PRPF6: variants seen among roughly 807,000 people sequenced by gnomAD.
PRPF6 encodes pre-mRNA processing factor 6, also known as pre-mRNA-processing factor 6.
PRPF6 carries 42 observed loss-of-function variants against 118.3 expected under a neutral mutation model. The observed-to-expected ratio is 0.35, with a 90% confidence interval of 0.28 to 0.46. The LOEUF (loss-of-function observed/expected upper bound fraction) is 0.46, where lower values mean the gene tolerates loss of function less well. Ranked by LOEUF, PRPF6 falls within the 20% of genes least tolerant of loss-of-function variation. PRPF6 has a pLI of 1.00. For missense variants in PRPF6, 662 were observed against 1,255.7 expected, an observed-to-expected ratio of 0.53 and a Z score of 7.15; for synonymous variants, 481 against 485.1, an observed-to-expected ratio of 0.99 and a Z score of 0.11.
intron 9 of PRPF6, among the ~76,000 whole-genome samples, chr20:64,009,611 T>C (rs2059206435): frequency 6.6e-6 from 1 of 152,190 alleles, no homozygotes; most frequent in Admixed American, 6.5e-5. Flanking sequence ...TAGTCCCAGC[T>C]ACCTTAGAGG....
chr20:64,018,573 GA>G (rs1350336216), intron 12 of PRPF6, among the ~76,000 whole-genome samples: 1 of 152,058 alleles, frequency 6.6e-6, no homozygotes, highest in Non-Finnish European at 1.5e-5. Flanking sequence ...TTCTTGGCCT[GA>G]ATCAGTTATT....
rs779071931 is a variant in PRPF6, at chr20:64,028,473, C to T, written c.2340-5C>T. ...TGTGGGACCTCCGGGGGCCTGTCTC[C>T]TCAGGTTGGAGTCCGTGCGGCTGGA... On this transcript the variant is annotated splice_polypyrimidine_tract_variant and splice_region_variant and intron_variant, in intron 17 of 20. Transcript: ENST00000266079. This position sits in a 1 kb window ranked among gnomAD's most constrained non-coding sequence, Gnocchi z 6.5. The T allele has an allele frequency of 1.2e-6, 2 of 1,613,900 alleles. No individual in the cohort carries two copies. The highest frequency in any genetic ancestry group is 1.7e-6 in the Non-Finnish European group (2 of 1,180,006).
In PRPF6 at chr20:63,985,043, C is replaced by G; in HGVS notation, c.359+18C>G. On this transcript the variant is annotated intron_variant, in intron 3 of 20. Coordinates refer to ENST00000266079, the MANE Select transcript of PRPF6 (RefSeq NM_012469.4). ...GAAAGACGGTAAAAGAAATTGTTGC[C>G]TTTCACAATATTTATCCAAGTTTAA... 6.2e-7 allele frequency: 1 copy of G among 1,600,082 alleles called. No homozygotes were observed. The highest frequency in any genetic ancestry group is 8.6e-7 in the Non-Finnish European group (1 of 1,169,242).
chr20:64,016,951 T>G, intron 12 of PRPF6, 106 bp downstream of exon 12: 1 of 1,510,210 alleles, frequency 6.6e-7, no homozygotes, highest in Non-Finnish European at 9.0e-7. Flanking sequence ...TTTTTTTTTT[T>G]TTTAAATCTG....
At chr20:64,020,618 A>G (rs1339072180) in intron 12 of PRPF6, among the ~76,000 whole-genome samples, 1 of 152,190 alleles carries the variant, frequency 6.6e-6, no homozygotes, top group Non-Finnish European at 1.5e-5. Flanking sequence ...GCTAACCAAA[A>G]GATAAAGTCA....
In PRPF6 at chr20:64,028,997, G is replaced by A. The variant is rs545409233; in HGVS notation, c.2432-380G>A. On this transcript the variant is annotated intron_variant, in intron 18 of 20. Coordinates refer to ENST00000266079, the MANE Select transcript of PRPF6 (RefSeq NM_012469.4). This position sits in a 1 kb window ranked among gnomAD's most constrained non-coding sequence, Gnocchi z 6.5. ...AGCCTGGCCAACATGGTGAAACCCC[G>A]TCTCTACTAAAATACAAAAATGAGC... Among the ~76,000 whole-genome samples the A allele has an allele frequency of 3.9e-4, 60 of 152,144 alleles. No individual in the cohort carries two copies. The highest frequency in any genetic ancestry group is 1.2e-3 in the African/African-American group (48 of 41,510).
At chr20:63,983,594 G>A (rs537213703) in intron 2 of PRPF6, among the ~76,000 whole-genome samples, 8 of 149,296 alleles carry the variant, frequency 5.4e-5, no homozygotes, top group South Asian at 2.1e-4. Context: ...CGCTCTTGTC[G>A]GAAGAGATGT....
intron 6 of PRPF6, among the ~76,000 whole-genome samples, chr20:63,998,730 C>T (rs73626413): frequency 2.7e-5 from 4 of 145,708 alleles, no homozygotes; most frequent in Non-Finnish European, 6.0e-5. Context: ...TAGTCCCAGC[C>T]ACTCGGGAGG....
At chr20:64,020,973 G>GAC (rs2059259924) in intron 12 of PRPF6, among the ~76,000 whole-genome samples, 1 of 152,170 alleles carries the variant, frequency 6.6e-6, no homozygotes, top group Admixed American at 6.5e-5. Context: ...TTTTAGTAGA[G>GAC]ACAGGGTTTT....
At chr20:64,015,986 A>C (rs2059235703) in intron 11 of PRPF6, among the ~76,000 whole-genome samples, 1 of 152,156 alleles carries the variant, frequency 6.6e-6, no homozygotes, top group Admixed American at 6.5e-5. Context: ...ACCATTGAGC[A>C]TGGTGGTGCA....
intron 9 of PRPF6, 79 bp downstream of exon 9, chr20:64,001,318 CT>C: frequency 6.5e-7 from 1 of 1,534,340 alleles, no homozygotes; most frequent in Non-Finnish European, 9.0e-7. Flanking sequence ...CTGGCTCAGG[CT>C]TTTGGTGAGA....
intron 6 of PRPF6, among the ~76,000 whole-genome samples, chr20:63,997,132 G>A (rs978079580): frequency 1.3e-5 from 2 of 151,740 alleles, no homozygotes; most frequent in African/African-American, 4.8e-5. Context: ...TTGAGTCCCC[G>A]TGCGCTTTCT....
At chr20:64,024,789 C>T in intron 14 of PRPF6, 96 bp downstream of exon 14, 1 of 1,495,470 alleles carries the variant, frequency 6.7e-7, no homozygotes, top group Non-Finnish European at 9.0e-7. Flanking sequence ...TACAATGTGG[C>T]ACGTGCTGTT....
chr20:64,000,940 A>T, intron 8 of PRPF6, 137 bp from the exon 9 acceptor site: 1 of 827,500 alleles, frequency 1.2e-6, no homozygotes, highest in Non-Finnish European at 2.0e-6. Context: ...CTCCTGGTGC[A>T]GGTGTGTTAG....
intron 6 of PRPF6, 62 bp from the exon 7 acceptor site, chr20:63,998,983 C>A: frequency 7.8e-7 from 1 of 1,275,064 alleles, no homozygotes; most frequent in South Asian, 1.2e-5. Flanking sequence ...CAGGGACCCT[C>A]TGAGAACTTT....
In PRPF6 at chr20:64,029,035, C is replaced by T. The variant is rs527671768; in HGVS notation, c.2432-342C>T. Among the ~76,000 whole-genome samples the T allele has an allele frequency of 2.0e-5, 3 of 152,170 alleles. No individual in the cohort carries two copies. The highest frequency in any genetic ancestry group is 2.4e-5 in the African/African-American group (1 of 41,506). ...TACAAAAATGAGCTGGGCATGGTGG[C>T]GGGCGCCTGTAATCCCAGCTACTCG... is the stretch of plus-strand genomic sequence containing the variant. On this transcript the variant is annotated intron_variant, in intron 18 of 20. Coordinates refer to ENST00000266079, the MANE Select transcript of PRPF6 (RefSeq NM_012469.4). This position sits in a 1 kb window ranked among gnomAD's most constrained non-coding sequence, Gnocchi z 4.8.
At position 63,981,647 on chromosome 20, in the gene PRPF6, C is replaced by CG. The variant is rs1168641472; in HGVS notation, c.71+331_71+332insG. ...TTCCTCAGGTCGGGCTGACACTCCCCCCCCCCGCCCGCCCGCCCGCCCCGC... is the reference window on the plus strand; with the variant it reads ...TTCCTCAGGTCGGGCTGACACTCCCCGCCCCCCGCCCGCCCGCCCGCCCCGC... On this transcript the variant is annotated intron_variant, in intron 1 of 20. Coordinates refer to ENST00000266079, the MANE Select transcript of PRPF6 (RefSeq NM_012469.4). Among the ~76,000 whole-genome samples, 111 of 140,148 alleles carry CG rather than the reference C, an allele frequency of 7.9e-4. 2 individuals carry two copies. Among genetic ancestry groups the CG allele is most frequent in the Admixed American group, 4.2e-3 (60 of 14,232 alleles). 91.9% of individuals were successfully genotyped at this position (140,148 alleles called of 152,430 possible). A position where few individuals can be genotyped will look rare whatever the true frequency, so the allele number is the denominator to read the frequency against.
At chr20:63,984,499 G>A (rs2059085079) in intron 2 of PRPF6, among the ~76,000 whole-genome samples, 1 of 151,972 alleles carries the variant, frequency 6.6e-6, no homozygotes, top group Non-Finnish European at 1.5e-5. Context: ...CCAAAAAAAA[G>A]TTTCTGCATG....
chr20:63,983,168 G>A lies in PRPF6; in HGVS notation c.193G>A (p.Ala65Thr), dbSNP rs771734100. Reference protein sequence around the residue: ...TVGDQMKKNQAADDDDEDLND... With the variant: ...TVGDQMKKNQTADDDDEDLND... ...TGGGGACCAGATGAAGAAAAATCAG[G>A]CTGCTGACGATGACGACGAGGATCT... The change falls in exon 2 of 21, where the codon GCT becomes ACT. Residue 65 changes from alanine (A) to threonine (T), a missense_variant. Ala to Thr is a moderately conservative substitution (Grantham distance 58). Coordinates refer to ENST00000266079, the MANE Select transcript of PRPF6 (RefSeq NM_012469.4). 1.4e-5 allele frequency: 23 copies of A among 1,614,090 alleles called. No homozygotes were observed. The highest frequency in any genetic ancestry group is 1.9e-5 in the Non-Finnish European group (23 of 1,180,050).
Sources: gnomAD v4.1 joint callset for allele counts (sites outside exome capture counted in the v4.1 genomes callset) on GRCh38, gnomAD v4.1.1 for gene constraint, Gnocchi (gnomAD v3.1) non-coding constraint, MANE v1.5 for transcripts, NCBI Gene and HGNC (gene_info 2026-07-23, HGNC 2026-07-21) for gene names.